The following ACP3 variants were observed in gnomAD, a reference collection of about 807,000 sequenced individuals.
ACP3 encodes acid phosphatase 3.
In ACP3, 38 loss-of-function variants were observed where a neutral mutation model predicts 45.6. That is an observed-to-expected ratio of 0.83 (90% confidence interval 0.64 to 1.09). ACP3 has a LOEUF of 1.09. Ranked by LOEUF, ACP3 falls within the 50% of genes least tolerant of loss-of-function variation. The pLI, the probability that ACP3 is intolerant of heterozygous loss-of-function variation, is 0.00. For synonymous variants in ACP3, 162 were observed against 164.7 expected, an observed-to-expected ratio of 0.98 and a Z score of 0.13; for missense variants, 466 against 463.2, an observed-to-expected ratio of 1.01 and a Z score of -0.05.
At chr3:132,328,941 G>A (rs1267294218) in intron 2 of ACP3, among the ~76,000 whole-genome samples, 1 of 152,198 alleles carries the variant, frequency 6.6e-6, no homozygotes, top group African/African-American at 2.4e-5. Flanking sequence ...TGGGAAACAT[G>A]ATTCCCCAAA....
At chr3:132,324,580 G>T (rs1237077184) in intron 1 of ACP3, among the ~76,000 whole-genome samples, 1 of 152,168 alleles carries the variant, frequency 6.6e-6, no homozygotes, top group East Asian at 1.9e-4. Flanking sequence ...AAAAGAGGTA[G>T]CAGGGGAAAA....
intron 1 of ACP3, among the ~76,000 whole-genome samples, chr3:132,322,137 AG>A (rs1937217931): frequency 6.6e-6 from 1 of 152,220 alleles, no homozygotes; most frequent in African/African-American, 2.4e-5. Flanking sequence ...GTTTGAACCC[AG>A]GTCTAACCAA....
chr3:132,325,920 T>C (rs887066724), intron 1 of ACP3, among the ~76,000 whole-genome samples: 4 of 152,238 alleles, frequency 2.6e-5, no homozygotes, highest in Non-Finnish European at 5.9e-5. Flanking sequence ...AGATTACATC[T>C]ATGAGAAGCA....
At chr3:132,360,541 A>G (rs925140220), downstream of ACP3, among the ~76,000 whole-genome samples, 2 of 152,214 alleles carry the variant, frequency 1.3e-5, no homozygotes, top group African/African-American at 4.8e-5. Flanking sequence ...GATCGTATCA[A>G]TTAAATTCAC....
chr3:132,329,177 T>G (rs1002613494), intron 2 of ACP3, among the ~76,000 whole-genome samples: 2 of 152,194 alleles, frequency 1.3e-5, no homozygotes, highest in African/African-American at 2.4e-5. Context: ...GGTGAATTGC[T>G]TCTGTCCTGA....
intron 4 of ACP3, among the ~76,000 whole-genome samples, chr3:132,333,851 A>G (rs1937443531): frequency 6.6e-6 from 1 of 152,164 alleles, no homozygotes; most frequent in African/African-American, 2.4e-5. Context: ...CGGGCAGATC[A>G]CCTGAGGTCA....
intron 7 of ACP3, among the ~76,000 whole-genome samples, chr3:132,347,880 A>T (rs868605702): frequency 0.011 from 1,089 of 99,456 alleles, 20 homozygotes; most frequent in African/African-American, 0.039. Context: ...CACCAAAAAA[A>T]TCCCTGGGGC....
chr3:132,345,014 C>T lies in ACP3; in HGVS notation c.736C>T (p.Leu246Phe). 1.2e-6 allele frequency: 2 copies of T among 1,613,778 alleles called. No individual in the cohort carries two copies. The highest frequency in any genetic ancestry group is 1.7e-6 in the Non-Finnish European group (2 of 1,179,870). Residue 246 changes from leucine to phenylalanine, a missense_variant, in exon 7 of 10, where the codon CTC becomes TTC. By Grantham distance (22) the Leu-to-Phe change is conservative (BLOSUM62 0). Coordinates refer to ENST00000336375, the MANE Select transcript of ACP3 (RefSeq NM_001099.5). Reference protein sequence around the residue: ...RELSELSLLSLYGIHKQKEKS... With the variant: ...RELSELSLLSFYGIHKQKEKS... Reference sequence around the variant, plus strand: ...ATTGTCAGAATTGTCCCTCCTGTCCCTCTATGGAATTCACAAGCAGAAAGA... The same window carrying T: ...ATTGTCAGAATTGTCCCTCCTGTCCTTCTATGGAATTCACAAGCAGAAAGA...
intron 3 of ACP3, 43 bp from the exon 4 acceptor site, chr3:132,332,149 T>C (rs1261145492): frequency 6.2e-7 from 1 of 1,612,894 alleles, no homozygotes; most frequent in Middle Eastern, 1.7e-4. Context: ...AAAAACCTCA[T>C]GCTCCCTTTA....
chr3:132,358,719 A>G lies in ACP3; in HGVS notation c.*1841A>G. On this transcript the variant is annotated 3_prime_UTR_variant, in exon 10 of 10. Transcript: ENST00000336375. ...GTAACTGTCTTCTAGCAGTGAGCCA[A>G]ATGTAAAATAGTGAATAAAGTCATT... The G allele has an allele frequency of 1.0e-6, 1 of 997,522 alleles. No homozygotes were observed. The highest frequency in any genetic ancestry group is 1.0e-4 in the East Asian group (1 of 9,614). 61.8% of individuals were successfully genotyped at this position (997,522 alleles called of 1,614,324 possible). A position where few individuals can be genotyped will look rare whatever the true frequency, so the allele number is the denominator to read the frequency against.
chr3:132,319,850 G>C (rs1937173262), intron 1 of ACP3, among the ~76,000 whole-genome samples: 1 of 152,138 alleles, frequency 6.6e-6, no homozygotes, highest in Non-Finnish European at 1.5e-5. Flanking sequence ...TGCTGGATTA[G>C]CTTGACTCTG....
rs1030377182 is a variant in ACP3 at position 132,358,458 on chromosome 3, A to G, written c.*1580A>G. ...CCACTCTGCAAGAAGAAATCATGAT[A>G]TAGCTTTGCCATGTGGCAGATCTAC... On this transcript the variant is annotated 3_prime_UTR_variant, in exon 10 of 10. Transcript: ENST00000336375. The G allele has an allele frequency of 3.1e-6, 4 of 1,276,588 alleles. No individual in the cohort carries two copies. The African/African-American group carries it at 6.1e-5, about 19-fold the overall frequency. The allele number at this position is 1,276,588 out of a possible 1,614,324, so 79.1% of individuals were successfully genotyped here.
downstream of ACP3, among the ~76,000 whole-genome samples, chr3:132,361,835 C>A (rs752475686): frequency 3.3e-5 from 5 of 152,210 alleles, no homozygotes; most frequent in Non-Finnish European, 5.9e-5. Flanking sequence ...TTCCTCCCTG[C>A]ATGGGCTGAC....
intron 5 of ACP3, among the ~76,000 whole-genome samples, chr3:132,338,456 T>C (rs1191747121): frequency 6.6e-6 from 1 of 152,226 alleles, no homozygotes; most frequent in Non-Finnish European, 1.5e-5. Flanking sequence ...TTTCAATCTT[T>C]CATTTTTACA....
chr3:132,349,816 G>C (rs1937678264), intron 7 of ACP3, 104 bp from the exon 8 acceptor site: 1 of 737,884 alleles, frequency 1.4e-6, no homozygotes, highest in South Asian at 1.6e-5. Flanking sequence ...CTCTTCTTAA[G>C]TCATGGCAGG....
In ACP3 at chr3:132,357,584, A is replaced by G. The variant is rs1339385390; in HGVS notation, c.*706A>G. 5 of 984,024 alleles carry G rather than the reference A, an allele frequency of 5.1e-6. No homozygotes were observed. The highest frequency in any genetic ancestry group is 6.0e-6 in the Non-Finnish European group (5 of 828,726). 61.0% of individuals were successfully genotyped at this position (984,024 alleles called of 1,614,324 possible). On this transcript the variant is annotated 3_prime_UTR_variant, in exon 10 of 10. Transcript: ENST00000336375. The stretch of plus-strand genomic sequence containing the variant: ...AAATCAAACTTTACAGAAAGATTTG[A>G]TGTATGTAATACATATAGCAGCTCT...
chr3:132,346,610 G>A (rs1225669977), intron 7 of ACP3, among the ~76,000 whole-genome samples: 1 of 152,214 alleles, frequency 6.6e-6, no homozygotes, highest in Non-Finnish European at 1.5e-5. Flanking sequence ...AACCCAGGAA[G>A]AAGCTCAATC....
intron 2 of ACP3, among the ~76,000 whole-genome samples, chr3:132,330,174 C>A (rs912075269): frequency 2.6e-5 from 4 of 152,042 alleles, no homozygotes; most frequent in African/African-American, 9.7e-5. Context: ...CCCGCCTTGG[C>A]CTCCCAAAGT....
rs1937797291 is a variant in ACP3, at chr3:132,353,104, T to C, written c.968+281T>C. 2.6e-5 allele frequency among the ~76,000 whole-genome samples: 4 copies of C among 152,216 alleles called. No individual in the cohort carries two copies. The South Asian group carries it at 8.3e-4, about 31-fold the overall frequency. The stretch of plus-strand genomic sequence containing the variant: ...ATTAAGGTATTCTAAGAAGTAGGCA[T>C]GTATTGTATATATACTTGGCAAGAG... On this transcript the variant is annotated intron_variant, in intron 9 of 9. Transcript: ENST00000336375.
Sources: allele counts gnomAD v4.1 joint callset (sites outside exome capture counted in the v4.1 genomes callset), GRCh38; gene constraint gnomAD v4.1.1; transcripts MANE v1.5; gene names NCBI Gene and HGNC (gene_info 2026-07-23, HGNC 2026-07-21).